SEPTIN6: variants seen among roughly 807,000 people sequenced by gnomAD.
The protein encoded by SEPTIN6 is septin-6.
In SEPTIN6, 8 loss-of-function variants were observed where a neutral mutation model predicts 33.6. That is an observed-to-expected ratio of 0.24 (90% CI 0.14 to 0.43). The LOEUF (loss-of-function observed/expected upper bound fraction) is 0.43, where lower values mean the gene tolerates loss of function less well. Ranked by LOEUF, SEPTIN6 falls within the 20% of genes least tolerant of loss-of-function variation. The pLI, the probability that SEPTIN6 is intolerant of heterozygous loss-of-function variation, is 1.00. For synonymous variants in SEPTIN6, 131 were observed against 140.0 expected, an observed-to-expected ratio of 0.94 and a Z score of 0.45; for missense variants, 250 against 340.8, an observed-to-expected ratio of 0.73 and a Z score of 2.10.
At chrX:119,682,272 CTT>C (rs886150336) in intron 1 of SEPTIN6, among the ~76,000 whole-genome samples, 2 of 111,332 alleles carry the variant, frequency 1.8e-5, no homozygotes, top group Non-Finnish European at 3.8e-5. Flanking sequence ...TTGTTTGACT[CTT>C]TTATAGCACG....
intron 1 of SEPTIN6, among the ~76,000 whole-genome samples, chrX:119,676,289 C>G (rs947483074): frequency 6.5e-5 from 7 of 107,604 alleles, no homozygotes; most frequent in Non-Finnish European, 1.9e-5. Flanking sequence ...GTGGCGAAAC[C>G]CTGTCTCTAC....
At chrX:119,677,763 G>C (rs2054865672) in intron 1 of SEPTIN6, among the ~76,000 whole-genome samples, 1 of 112,761 alleles carries the variant, frequency 8.9e-6, no homozygotes, top group Admixed American at 9.3e-5. Flanking sequence ...ACTCCCATCG[G>C]TGTCACTAGA....
Position 119,629,058 on chromosome X carries a change from G to A in SEPTIN6, c.1280+260C>T, listed in dbSNP as rs998798767. 40 of 324,790 alleles carry A rather than the reference G, an allele frequency of 1.2e-4. No individual in the cohort carries two copies. The South Asian group carries it at 3.6e-3, about 29-fold the overall frequency. 26.8% of individuals were successfully genotyped at this position (324,790 alleles called of 1,213,427 possible). A position where few individuals can be genotyped will look rare whatever the true frequency, so the allele number is the denominator to read the frequency against. On this transcript the variant is annotated intron_variant, in intron 9 of 10. Coordinates refer to ENST00000394610, the MANE Select transcript of SEPTIN6 (RefSeq NM_145799.4). ...TTCCTTTCCTATGGACCTTGAGTTT[G>A]CAGGGCTTTCCTGAGCAAGCTGGAC...
intron 5 of SEPTIN6, among the ~76,000 whole-genome samples, chrX:119,643,408 C>A (rs375365416): frequency 5.5e-5 from 6 of 108,979 alleles, no homozygotes; most frequent in African/African-American, 1.3e-4. Flanking sequence ...AAAAAAAAAA[C>A]CAAGAAGAAA....
chrX:119,651,708 C>T (rs2147536620), intron 4 of SEPTIN6, among the ~76,000 whole-genome samples: 1 of 112,157 alleles, frequency 8.9e-6, no homozygotes, highest in Admixed American at 9.5e-5. Flanking sequence ...ATGTATCTAT[C>T]TATCTCAAAG....
intron 8 of SEPTIN6, among the ~76,000 whole-genome samples, chrX:119,632,300 A>G (rs1203797785): frequency 2.7e-5 from 3 of 109,279 alleles, no homozygotes; most frequent in African/African-American, 1.0e-4. Context: ...GGTTCACGCC[A>G]TTCTCCTGCC....
At chrX:119,688,569 C>T (rs1440401759) in intron 1 of SEPTIN6, among the ~76,000 whole-genome samples, 1 of 109,396 alleles carries the variant, frequency 9.1e-6, no homozygotes, top group Non-Finnish European at 1.9e-5. Context: ...TAGCTGGGCA[C>T]GGTGGTGCAC....
chrX:119,643,617 T>C (rs1353046011), intron 5 of SEPTIN6, among the ~76,000 whole-genome samples: 3 of 111,349 alleles, frequency 2.7e-5, no homozygotes, highest in Non-Finnish European at 5.7e-5. Context: ...CTTTGATAAG[T>C]ATATGCAAGG....
At chrX:119,679,128 G>A (rs1334597662) in intron 1 of SEPTIN6, among the ~76,000 whole-genome samples, 3 of 110,609 alleles carry the variant, frequency 2.7e-5, no homozygotes, top group Non-Finnish European at 3.8e-5. Context: ...TTTTAGTAGA[G>A]ATGGGGTTTT....
chrX:119,619,641 AGGGGACAGCTGTGCT>A lies in SEPTIN6; in HGVS notation c.*437_*451del. 3 of 854,397 alleles carry A rather than the reference AGGGGACAGCTGTGCT, an allele frequency of 3.5e-6. No individual in the cohort carries two copies. The highest frequency in any genetic ancestry group is 4.3e-6 in the Non-Finnish European group (3 of 702,489). 70.4% of individuals were successfully genotyped at this position (854,397 alleles called of 1,213,427 possible). On this transcript the variant is annotated 3_prime_UTR_variant, in exon 11 of 11. Transcript: ENST00000394610. ...CTAGTGACTGGGATACAGGAGACCA[AGGGGACAGCTGTGCT>A]GATCGGTGGTTACCCAGCCATGGTG...
Position 119,666,368 on chromosome X carries a change from A to G in SEPTIN6, c.146-2691T>C, listed in dbSNP as rs780924620. On this transcript the variant is annotated intron_variant, in intron 2 of 10. Transcript: ENST00000394610. ...TCAGGGCTACGGTTAGAGCTACATG[A>G]TGCAGAACTGAAAATGCTCCATCTC... Among the ~76,000 whole-genome samples, 5 of 111,994 alleles carry G rather than the reference A, an allele frequency of 4.5e-5. No individual in the cohort carries two copies. The East Asian group carries it at 1.4e-3, about 32-fold the overall frequency.
At chrX:119,660,837 C>T (rs5956138) in intron 3 of SEPTIN6, among the ~76,000 whole-genome samples, 8 of 105,674 alleles carry the variant, frequency 7.6e-5, no homozygotes, top group South Asian at 4.4e-4. Flanking sequence ...GTCAGGAGTT[C>T]GAGACCAGCC....
Position 119,619,074 on chromosome X carries a change from A to G in SEPTIN6, c.*1019T>C. The G allele has an allele frequency of 1.1e-6, 1 of 918,452 alleles. No homozygotes were observed. The highest frequency in any genetic ancestry group is 1.3e-6 in the Non-Finnish European group (1 of 742,786). The allele number at this position is 918,452 out of a possible 1,213,427, so 75.7% of individuals were successfully genotyped here. A position where few individuals can be genotyped will look rare whatever the true frequency, so the allele number is the denominator to read the frequency against. On this transcript the variant is annotated 3_prime_UTR_variant, in exon 11 of 11. Transcript: ENST00000394610. ...CTCATCTCTTCTTATTGGGGGATGC[A>G]TGCAAAATGCATGTTAAAAATCATC...
At chrX:119,649,906 A>G (rs1369491628) in intron 5 of SEPTIN6, 31 bp downstream of exon 5, 2 of 1,188,427 alleles carry the variant, frequency 1.7e-6, no homozygotes, top group Non-Finnish European at 2.3e-6. Context: ...CATCATAAAA[A>G]GCAAATGGTC....
At position 119,665,848 on chromosome X, in the gene SEPTIN6, G is replaced by A. The variant is rs1003719101; in HGVS notation, c.146-2171C>T. ...TGTAATCCCAGCACTTTGGGAGGCC[G>A]AGGTGGGTGGATCACGAGGTCAGGA... is the stretch of plus-strand genomic sequence containing the variant. On this transcript the variant is annotated intron_variant, in intron 2 of 10. Coordinates refer to ENST00000394610, the MANE Select transcript of SEPTIN6 (RefSeq NM_145799.4). 4.5e-5 allele frequency among the ~76,000 whole-genome samples: 5 copies of A among 110,634 alleles called. No homozygotes were observed. The Admixed American group carries it at 4.8e-4, about 11-fold the overall frequency.
chrX:119,678,444 T>C (rs894704958), intron 1 of SEPTIN6, among the ~76,000 whole-genome samples: 18 of 106,876 alleles, frequency 1.7e-4, no homozygotes, highest in African/African-American at 3.8e-4. Flanking sequence ...GGCGTGAACC[T>C]GGGAGGCTGA....
intron 4 of SEPTIN6, among the ~76,000 whole-genome samples, chrX:119,651,666 C>T (rs756005109): frequency 9.0e-6 from 1 of 110,947 alleles, no homozygotes; most frequent in Non-Finnish European, 1.9e-5. Context: ...AGTGAAAGTC[C>T]GTCTCAAAAA....
At chrX:119,644,301 C>T (rs1224917102) in intron 5 of SEPTIN6, among the ~76,000 whole-genome samples, 1 of 111,440 alleles carries the variant, frequency 9.0e-6, no homozygotes, top group Admixed American at 9.5e-5. Flanking sequence ...TAGTCGCAAG[C>T]CTTCCTTGGG....
In SEPTIN6 at chrX:119,617,453, A is replaced by T; in HGVS notation, c.*2640T>A. Reference sequence around the variant, plus strand: ...GTCACCTAGGGCACCTGTTACACACAGTCTCCTGGACCCCGTTCCAGCCTT... The same window carrying T: ...GTCACCTAGGGCACCTGTTACACACTGTCTCCTGGACCCCGTTCCAGCCTT... On this transcript the variant is annotated 3_prime_UTR_variant, in exon 11 of 11. Coordinates refer to ENST00000394610, the MANE Select transcript of SEPTIN6 (RefSeq NM_145799.4). 4 of 804,280 alleles carry T rather than the reference A, an allele frequency of 5.0e-6. No individual in the cohort carries two copies. Among genetic ancestry groups the T allele is most frequent in the Non-Finnish European group, 4.5e-6 (3 of 670,037 alleles). 66.3% of individuals were successfully genotyped at this position (804,280 alleles called of 1,213,427 possible). A position where few individuals can be genotyped will look rare whatever the true frequency, so the allele number is the denominator to read the frequency against.
Sources: allele counts gnomAD v4.1 joint callset (sites outside exome capture counted in the v4.1 genomes callset), GRCh38; gene constraint gnomAD v4.1.1; transcripts MANE v1.5; gene names NCBI Gene and HGNC (gene_info 2026-07-23, HGNC 2026-07-21).